Variants in ARID3B observed in about 807,000 individuals in gnomAD.
ARID3B encodes AT-rich interaction domain 3B.
A neutral mutation model predicts 51.9 loss-of-function variants in ARID3B; 10 were observed. The observed-to-expected ratio is 0.19, with a 90% confidence interval of 0.12 to 0.33. The LOEUF is 0.33. Among genes scored for constraint, ARID3B ranks in the 10% least tolerant of loss-of-function variants. ARID3B has a pLI of 1.00. For missense variants in ARID3B, 483 were observed against 716.3 expected (o/e 0.67, Z 3.72); for synonymous variants, 205 against 279.5 (o/e 0.73, Z 2.66).
chr15:74,589,317 C>A (rs1362932977), intron 4 of ARID3B, among the ~76,000 whole-genome samples: 1 of 152,058 alleles, frequency 6.6e-6, no homozygotes, highest in Admixed American at 6.6e-5. Context: ...GCGTGAGCCA[C>A]CGCACCCAGC....
chr15:74,575,505 C>T (rs996903767), intron 4 of ARID3B, among the ~76,000 whole-genome samples: 1 of 152,182 alleles, frequency 6.6e-6, no homozygotes, highest in Non-Finnish European at 1.5e-5. Flanking sequence ...GCAGGGTATT[C>T]AAGCTGCCTT....
chr15:74,594,669 C>T (rs192328050), intron 8 of ARID3B, among the ~76,000 whole-genome samples: 19 of 152,376 alleles, frequency 1.2e-4, no homozygotes, highest in East Asian at 1.9e-4. Context: ...CTCAGAGCAC[C>T]GCCCTGCAGG....
chr15:74,583,939 C>T (rs2061770928), intron 4 of ARID3B, among the ~76,000 whole-genome samples: 1 of 152,198 alleles, frequency 6.6e-6, no homozygotes, highest in Non-Finnish European at 1.5e-5. Flanking sequence ...TGGAACAGTG[C>T]AACTACAAGC....
At chr15:74,569,895 C>G (rs1448964840) in intron 2 of ARID3B, among the ~76,000 whole-genome samples, 1 of 152,158 alleles carries the variant, frequency 6.6e-6, no homozygotes, top group African/African-American at 2.4e-5. Flanking sequence ...TACATCAGCC[C>G]CAGCTGAATT....
chr15:74,551,772 T>A (rs1465978184), intron 2 of ARID3B, among the ~76,000 whole-genome samples: 1 of 152,190 alleles, frequency 6.6e-6, no homozygotes, highest in East Asian at 1.9e-4. Flanking sequence ...TATTCCTAAC[T>A]ATCCCCCACA....
At chr15:74,541,747 C>T (rs118142218) in intron 1 of ARID3B, among the ~76,000 whole-genome samples, 7,065 of 151,598 alleles carry the variant, frequency 0.047, 228 homozygotes, top group South Asian at 0.081. Flanking sequence ...GGGCCCGGGG[C>T]CAAAAGAATC....
intron 4 of ARID3B, among the ~76,000 whole-genome samples, chr15:74,587,463 G>A (rs2061785678): frequency 6.6e-6 from 1 of 152,234 alleles, no homozygotes; most frequent in African/African-American, 2.4e-5. Flanking sequence ...AAAATGAGGT[G>A]TGGGGAAAGG....
intron 2 of ARID3B, among the ~76,000 whole-genome samples, chr15:74,555,786 CTTTTTTT>C (rs869243539): frequency 2.1e-4 from 20 of 95,082 alleles, no homozygotes; most frequent in African/African-American, 3.0e-4. Flanking sequence ...AGCTGTATTT[CTTTTTTT>C]TTTTTTTTTT....
At chr15:74,565,501 A>G (rs1384593594) in intron 2 of ARID3B, among the ~76,000 whole-genome samples, 3 of 152,246 alleles carry the variant, frequency 2.0e-5, no homozygotes, top group Non-Finnish European at 4.4e-5. Context: ...TTAAACCCCA[A>G]GGAAGGGTTA....
rs758898092 is a variant in ARID3B at position 74,591,620 on chromosome 15, T to C, written c.1226T>C (p.Leu409Ser). ...VPNRLAVPVTLASQQAGTRTA... is the reference protein window; with the variant it reads ...VPNRLAVPVTSASQQAGTRTA... ...AATCGTCTGGCTGTGCCCGTGACCT[T>C]GGCAAGCCAGCAGGCTGGTACTCGG... Residue 409 changes from leucine to serine, a missense_variant, in exon 7 of 9, where the codon TTG becomes TCG. Transcript: ENST00000346246. The surrounding 1 kb of genome is among the most constrained non-coding windows in gnomAD (Gnocchi z 5.8). 30 of 1,600,626 alleles carry C rather than the reference T, an allele frequency of 1.9e-5. 1 individual carries two copies. The East Asian group carries it at 6.6e-4, about 35-fold the overall frequency.
At chr15:74,565,865 C>T (rs2061696303) in intron 2 of ARID3B, among the ~76,000 whole-genome samples, 1 of 152,084 alleles carries the variant, frequency 6.6e-6, no homozygotes. Context: ...TCTCCTGCTG[C>T]CAGGTGCCAT....
chr15:74,595,218 A>G (rs1345266754), intron 8 of ARID3B, among the ~76,000 whole-genome samples: 1 of 152,036 alleles, frequency 6.6e-6, no homozygotes, highest in South Asian at 2.1e-4. Context: ...AAAAATTTTT[A>G]TAGAGACAAG....
intron 2 of ARID3B, among the ~76,000 whole-genome samples, chr15:74,555,670 T>A (rs2141451445): frequency 6.6e-6 from 1 of 151,786 alleles, no homozygotes; most frequent in Middle Eastern, 3.4e-3. Flanking sequence ...AATCATGAAA[T>A]ATTCTTGATG....
At chr15:74,573,800 G>A (rs1333318247) in intron 4 of ARID3B, 1 of 153,522 alleles carries the variant, frequency 6.5e-6, no homozygotes, top group Middle Eastern at 3.1e-3. Flanking sequence ...GGAGTGCCAT[G>A]GTGTGATCTC....
At chr15:74,582,263 G>A (rs1338572097) in intron 4 of ARID3B, among the ~76,000 whole-genome samples, 1 of 152,036 alleles carries the variant, frequency 6.6e-6, no homozygotes, top group Non-Finnish European at 1.5e-5. Context: ...CGCCGCCCGG[G>A]TTCACGCCAT....
intron 2 of ARID3B, among the ~76,000 whole-genome samples, chr15:74,571,879 G>A (rs868394016): frequency 6.6e-5 from 10 of 152,134 alleles, no homozygotes; most frequent in Middle Eastern, 3.2e-3. Flanking sequence ...CAAGGTGGGC[G>A]GATCACCTGA....
intron 2 of ARID3B, among the ~76,000 whole-genome samples, chr15:74,571,655 ATACCT>A (rs2061719308): frequency 6.6e-6 from 1 of 152,238 alleles, no homozygotes; most frequent in South Asian, 2.1e-4. Flanking sequence ...GATAAATAAG[ATACCT>A]TTCCTTTCAA....
chr15:74,559,932 A>T (rs896679459), intron 2 of ARID3B, among the ~76,000 whole-genome samples: 5 of 150,802 alleles, frequency 3.3e-5, no homozygotes, highest in South Asian at 2.1e-4. Context: ...CGTGGCTCAC[A>T]CCTGTAACTC....
At chr15:74,563,498 A>C (rs1391456255) in intron 2 of ARID3B, among the ~76,000 whole-genome samples, 1 of 152,198 alleles carries the variant, frequency 6.6e-6, no homozygotes, top group Non-Finnish European at 1.5e-5. Flanking sequence ...TTGGGGGGAA[A>C]AAAAAGTTTT....
Sources: allele counts gnomAD v4.1 joint callset (sites outside exome capture counted in the v4.1 genomes callset), GRCh38; gene constraint gnomAD v4.1.1; non-coding constraint Gnocchi (gnomAD v3.1); transcripts MANE v1.5; gene names NCBI Gene and HGNC (gene_info 2026-07-23, HGNC 2026-07-21).